The following SOCS7 variants were observed in gnomAD, a reference collection of about 807,000 sequenced individuals.
SOCS7 encodes the protein suppressor of cytokine signaling 7, also known as NAP-4.
Under a neutral mutation model 58.9 loss-of-function variants are expected in SOCS7, and 18 were observed. That is an observed-to-expected ratio of 0.31 (90% CI 0.21 to 0.45). The LOEUF (loss-of-function observed/expected upper bound fraction) is 0.45, where lower values mean the gene tolerates loss of function less well. SOCS7 is among the 20% of genes least tolerant of loss of function. The pLI is 1.00. For missense variants in SOCS7, 667 were observed against 837.3 expected (o/e 0.80, Z 2.51); for synonymous variants, 388 against 364.3 (o/e 1.06, Z -0.74).
intron 6 of SOCS7, among the ~76,000 whole-genome samples, chr17:38,371,690 G>C (rs183978910): frequency 2.0e-5 from 3 of 149,504 alleles, no homozygotes; most frequent in Non-Finnish European, 4.4e-5. Context: ...CAAGTGACCT[G>C]CTCACCTCTG....
At chr17:38,354,318 G>A (rs558542814) in intron 1 of SOCS7, among the ~76,000 whole-genome samples, 1 of 152,288 alleles carries the variant, frequency 6.6e-6, no homozygotes, top group South Asian at 2.1e-4. Context: ...TGTGAACTAA[G>A]ATCACTTGGG....
In SOCS7 at chr17:38,359,438, T is replaced by C. The variant is rs112667525; in HGVS notation, c.981-2273T>C. On this transcript the variant is annotated intron_variant, in intron 1 of 9. Coordinates refer to ENST00000612932, the MANE Select transcript of SOCS7 (RefSeq NM_014598.4). ...GACGGACCAGGGTTTCAGCTCTTTC[T>C]GAATAAGATCTTCATGGTATGGTTT... is the stretch of plus-strand genomic sequence containing the variant. Among the ~76,000 whole-genome samples, 387 of 152,348 alleles carry C rather than the reference T, an allele frequency of 2.5e-3. 2 individuals carry two copies. The Middle Eastern group carries it at 0.027, about 11-fold the overall frequency.
At chr17:38,397,604 G>C (rs1309137189) in intron 9 of SOCS7, among the ~76,000 whole-genome samples, 1 of 152,230 alleles carries the variant, frequency 6.6e-6, no homozygotes, top group Non-Finnish European at 1.5e-5. Flanking sequence ...CTTTTTAACA[G>C]AGAGGTCCAA....
intron 7 of SOCS7, among the ~76,000 whole-genome samples, chr17:38,380,136 C>A (rs777394743): frequency 6.6e-6 from 1 of 152,152 alleles, no homozygotes; most frequent in Non-Finnish European, 1.5e-5. Flanking sequence ...TCAGATACAG[C>A]TTATTTCATT....
At chr17:38,373,777 G>A (rs1004068931) in intron 6 of SOCS7, among the ~76,000 whole-genome samples, 1 of 152,184 alleles carries the variant, frequency 6.6e-6, no homozygotes, top group Non-Finnish European at 1.5e-5. Flanking sequence ...GCCCCCAGAC[G>A]CGACGTCGCT....
chr17:38,378,055 G>A (rs914434568), intron 7 of SOCS7, among the ~76,000 whole-genome samples: 1 of 152,132 alleles, frequency 6.6e-6, no homozygotes, highest in Non-Finnish European at 1.5e-5. Context: ...CTCTAACCAC[G>A]TGAATGAGAA....
At chr17:38,376,217 A>C (rs936056533) in intron 6 of SOCS7, among the ~76,000 whole-genome samples, 1 of 152,200 alleles carries the variant, frequency 6.6e-6, no homozygotes, top group African/African-American at 2.4e-5. Context: ...CTGGCAGTTC[A>C]GGATGCAAGG....
intron 6 of SOCS7, among the ~76,000 whole-genome samples, chr17:38,376,545 A>G (rs1332380180): frequency 6.6e-6 from 1 of 152,084 alleles, no homozygotes; most frequent in Non-Finnish European, 1.5e-5. Flanking sequence ...TAGCCTGACC[A>G]ACGTGGTGAA....
rs948128853 is a variant in SOCS7 at position 38,352,147 on chromosome 17, C to T, written c.95C>T (p.Pro32Leu). The T allele has an allele frequency of 6.0e-6, 7 of 1,172,104 alleles. No homozygotes were observed. In the African/African-American group the frequency reaches 9.6e-5, roughly 16 times the overall value. 72.6% of individuals were successfully genotyped at this position (1,172,104 alleles called of 1,614,324 possible). A position where few individuals can be genotyped will look rare whatever the true frequency, so the allele number is the denominator to read the frequency against. ...SRLLGYGEAA[P>L]EPGPPPPPPG... ...CTCCTTGGCTATGGAGAGGCGGCCC[C>T]CGAGCCAGGCCCTCCGCCACCGCCC... Residue 32 changes from proline to leucine, a missense_variant, in exon 1 of 10, where the codon CCC becomes CTC. By Grantham distance (98) the Pro-to-Leu change is moderately conservative. Around this residue, in one of 9 missense-constraint regions of SOCS7, gnomAD observed 65 missense variants for 51.0 expected, o/e 1.27. Transcript: ENST00000612932. The surrounding 1 kb of genome is among the most constrained non-coding windows in gnomAD (Gnocchi z 5.5).
intron 9 of SOCS7, among the ~76,000 whole-genome samples, chr17:38,399,170 C>A (rs1008531317): frequency 2.5e-4 from 38 of 151,968 alleles, no homozygotes; most frequent in Admixed American, 2.5e-3. Flanking sequence ...GGGCTTACTT[C>A]CCTTTTCAGT....
In SOCS7 at chr17:38,404,006, G is replaced by GC. The variant is rs1185173269; in HGVS notation, c.*4530dup. 6.6e-6 allele frequency: 1 copy of GC among 151,898 alleles called. No individual in the cohort carries two copies. Among genetic ancestry groups the GC allele is most frequent in the Non-Finnish European group, 1.5e-5 (1 of 67,948 alleles). The allele number at this position is 151,898 out of a possible 1,614,324, so 9.4% of individuals were successfully genotyped here. The stretch of plus-strand genomic sequence containing the variant: ...AGAAAAAAAAAAGAAAGAAAAGTGT[G>GC]CCCCCCTCCTATGCTGCGATAGCTA... On this transcript the variant is annotated 3_prime_UTR_variant, in exon 10 of 10. Coordinates refer to ENST00000612932, the MANE Select transcript of SOCS7 (RefSeq NM_014598.4).
chr17:38,383,833 C>T (rs776176690), intron 7 of SOCS7, among the ~76,000 whole-genome samples: 45 of 152,082 alleles, frequency 3.0e-4, no homozygotes, highest in Non-Finnish European at 5.6e-4. Context: ...GGTGAGCCAC[C>T]GCGCCCAGCC....
At chr17:38,357,794 CAT>C (rs1397287407) in intron 1 of SOCS7, among the ~76,000 whole-genome samples, 7 of 152,166 alleles carry the variant, frequency 4.6e-5, no homozygotes, top group Non-Finnish European at 8.8e-5. Context: ...TAGAAAAGGA[CAT>C]GTGTAAATCT....
intron 2 of SOCS7, among the ~76,000 whole-genome samples, 185 bp from the exon 3 acceptor site, chr17:38,364,567 A>G (rs1356529251): frequency 2.0e-5 from 3 of 152,188 alleles, no homozygotes; most frequent in Admixed American, 6.5e-5. Context: ...GGGCAAAGGA[A>G]TGATAGAATT....
chr17:38,352,286 C>G lies in SOCS7; in HGVS notation c.234C>G (p.Asp78Glu). 6.7e-7 allele frequency: 1 copy of G among 1,487,388 alleles called. No individual in the cohort carries two copies. 92.1% of individuals were successfully genotyped at this position (1,487,388 alleles called of 1,614,324 possible). ...RNVGRPPEEE[D>E]VEAAPEPGPS... ...TGGGTCGGCCGCCGGAGGAGGAGGA[C>G]GTGGAGGCGGCCCCGGAGCCGGGAC... The change falls in exon 1 of 10, where the codon GAC becomes GAG. Residue 78 changes from aspartate (D) to glutamate (E), a missense_variant. Coordinates refer to ENST00000612932, the MANE Select transcript of SOCS7 (RefSeq NM_014598.4). This position sits in a 1 kb window ranked among gnomAD's most constrained non-coding sequence, Gnocchi z 5.5.
intron 7 of SOCS7, among the ~76,000 whole-genome samples, chr17:38,390,626 TTTC>T: frequency 6.6e-6 from 1 of 151,836 alleles, no homozygotes. Flanking sequence ...TTTTATATTT[TTTC>T]TTTTGTTCGT....
At position 38,366,300 on chromosome 17, in the gene SOCS7, G is replaced by C. The variant is rs773243550; in HGVS notation, c.1266G>C (p.Arg422=). The change falls in exon 5 of 10, where the codon CGG becomes CGC. Residue 422 remains arginine (R), a synonymous_variant. Coordinates refer to ENST00000612932, the MANE Select transcript of SOCS7 (RefSeq NM_014598.4). ...PPPHAPDAFP[R]IAPIRAAESL... ...CTTGCCCTGCAGATGCATTTCCCCG[G>C]ATTGCTCCCATCCGAGCAGCTGAAT... is the stretch of plus-strand genomic sequence containing the variant. The C allele has an allele frequency of 1.9e-6, 3 of 1,614,072 alleles. No homozygotes were observed. The South Asian group carries it at 3.3e-5, about 18-fold the overall frequency.
intron 1 of SOCS7, 46 bp downstream of exon 1, chr17:38,353,078 G>C: frequency 6.7e-7 from 1 of 1,481,820 alleles, no homozygotes; most frequent in South Asian, 1.3e-5. Context: ...TTTCTTGTTT[G>C]GTTTCCCTTT....
chr17:38,372,878 G>A (rs527653999), intron 6 of SOCS7, among the ~76,000 whole-genome samples: 6 of 152,224 alleles, frequency 3.9e-5, no homozygotes, highest in Non-Finnish European at 5.9e-5. Context: ...AGGCCGAGGC[G>A]GGCGGATCAC....
Sources: gnomAD v4.1 joint callset for allele counts (sites outside exome capture counted in the v4.1 genomes callset) on GRCh38, gnomAD v4.1.1 for gene constraint, gnomAD v4.1.1 regional missense constraint, Gnocchi (gnomAD v3.1) non-coding constraint, MANE v1.5 for transcripts, NCBI Gene and HGNC (gene_info 2026-07-23, HGNC 2026-07-21) for gene names.